RASSF8: variants seen among roughly 807,000 people sequenced by gnomAD.
RASSF8 encodes Ras association domain family member 8.
A neutral mutation model predicts 48.5 loss-of-function variants in RASSF8; 22 were observed. The ratio of observed to expected loss-of-function variants is 0.45; its 90% confidence interval spans 0.32 to 0.65. The LOEUF (loss-of-function observed/expected upper bound fraction) is 0.65, where lower values mean the gene tolerates loss of function less well. Among genes scored for constraint, RASSF8 ranks in the 30% least tolerant of loss-of-function variants. The probability of loss-of-function intolerance (pLI) is 0.03; values close to 1 mark genes in which losing one functional copy is unlikely to be tolerated. For missense variants in RASSF8, 418 were observed against 489.2 expected (o/e 0.85, Z 1.37); for synonymous variants, 127 against 171.5 (o/e 0.74, Z 2.03).
chr12:26,046,261 C>T (rs17460549), intron 2 of RASSF8, among the ~76,000 whole-genome samples: 1,862 of 152,306 alleles, frequency 0.012, 19 homozygotes, highest in Middle Eastern at 0.024. Flanking sequence ...TACTTTCTCT[C>T]CTAAGCCAGA....
chr12:26,051,746 A>G (rs1943495268), intron 2 of RASSF8, among the ~76,000 whole-genome samples: 2 of 152,322 alleles, frequency 1.3e-5, no homozygotes, highest in African/African-American at 2.4e-5. Flanking sequence ...TGAGAAAAAT[A>G]TAATTGTCAA....
chr12:26,054,181 G>A (rs1943552220), intron 2 of RASSF8, among the ~76,000 whole-genome samples: 1 of 152,030 alleles, frequency 6.6e-6, no homozygotes, highest in Admixed American at 6.6e-5. Flanking sequence ...CAAAACAATG[G>A]ACAAACAAAA....
Position 26,072,158 on chromosome 12 carries a change from C to T in RASSF8, c.*3340C>T. 6 of 981,150 alleles carry T rather than the reference C, an allele frequency of 6.1e-6. No individual in the cohort carries two copies. Among genetic ancestry groups the T allele is most frequent in the Non-Finnish European group, 7.3e-6 (6 of 826,038 alleles). The allele number at this position is 981,150 out of a possible 1,614,324, so 60.8% of individuals were successfully genotyped here. On this transcript the variant is annotated 3_prime_UTR_variant, in exon 6 of 6. Transcript: ENST00000689635. The stretch of plus-strand genomic sequence containing the variant: ...AATTTATATAACGATGCTGTGTTCA[C>T]ATCCCTCTCCTACCTAAAGTTGTCT...
chr12:26,007,581 T>C (rs1190793153), intron 2 of RASSF8, among the ~76,000 whole-genome samples: 2 of 151,960 alleles, frequency 1.3e-5, no homozygotes, highest in African/African-American at 4.8e-5. Context: ...TGTAGCTGAG[T>C]TTGTAAAGGT....
downstream of RASSF8, among the ~76,000 whole-genome samples, chr12:26,075,933 T>A (rs1305000862): frequency 6.6e-6 from 1 of 151,996 alleles, no homozygotes. Context: ...TGCTCCTACA[T>A]CACCCCACCA....
intron 2 of RASSF8, among the ~76,000 whole-genome samples, chr12:26,047,688 A>G (rs55965624): frequency 0.098 from 14,844 of 152,226 alleles, 763 homozygotes; most frequent in Middle Eastern, 0.15. Context: ...TTAGCTGGTA[A>G]CTACCGTCTC....
chr12:26,030,357 A>AG (rs1302695587), intron 2 of RASSF8, among the ~76,000 whole-genome samples: 1 of 152,212 alleles, frequency 6.6e-6, no homozygotes, highest in African/African-American at 2.4e-5. Flanking sequence ...GCCCAGGTAG[A>AG]GGGGCTACAA....
At chr12:26,035,750 A>G (rs1453077893) in intron 2 of RASSF8, among the ~76,000 whole-genome samples, 4 of 145,098 alleles carry the variant, frequency 2.8e-5, no homozygotes, top group Non-Finnish European at 6.0e-5. Context: ...CAAGTAGCAT[A>G]TAATACATAT....
chr12:26,049,384 G>A lies in RASSF8; in HGVS notation c.-108-5852G>A, dbSNP rs1591800458. 3.9e-5 allele frequency among the ~76,000 whole-genome samples: 6 copies of A among 152,082 alleles called. No individual in the cohort carries two copies. The South Asian group carries it at 1.2e-3, about 31-fold the overall frequency. On this transcript the variant is annotated intron_variant, in intron 2 of 5. Coordinates refer to ENST00000689635, the MANE Select transcript of RASSF8 (RefSeq NM_001394098.1). Reference sequence around the variant, plus strand: ...ACAGGTAATTTTACATAAAGATTTTGTTTTTCCTTGAATTACAATTACTAC... The same window carrying A: ...ACAGGTAATTTTACATAAAGATTTTATTTTTCCTTGAATTACAATTACTAC...
intron 1 of RASSF8, among the ~76,000 whole-genome samples, chr12:25,991,623 T>C (rs1197475856): frequency 6.6e-6 from 1 of 152,182 alleles, no homozygotes; most frequent in Admixed American, 6.5e-5. Context: ...TTGCGCTGGT[T>C]GTTGGCAGAA....
chr12:26,017,623 C>G (rs1942681750), intron 2 of RASSF8, among the ~76,000 whole-genome samples: 1 of 152,226 alleles, frequency 6.6e-6, no homozygotes, highest in Non-Finnish European at 1.5e-5. Flanking sequence ...ACCAAAAACG[C>G]ACCCAAGGTG....
chr12:25,979,645 A>G (rs1215257701), intron 1 of RASSF8, among the ~76,000 whole-genome samples: 1 of 152,214 alleles, frequency 6.6e-6, no homozygotes, highest in African/African-American at 2.4e-5. Context: ...CTGAGACAGA[A>G]TAATTTGCCC....
intron 2 of RASSF8, among the ~76,000 whole-genome samples, chr12:26,003,397 A>G (rs1942308598): frequency 6.6e-6 from 1 of 152,212 alleles, no homozygotes; most frequent in Non-Finnish European, 1.5e-5. Context: ...TTCATCATGA[A>G]TATTGCAGAC....
chr12:26,046,584 C>G (rs1442079070), intron 2 of RASSF8, among the ~76,000 whole-genome samples: 2 of 152,140 alleles, frequency 1.3e-5, no homozygotes, highest in Non-Finnish European at 2.9e-5. Context: ...GGGCTATAAT[C>G]CCAGCACTTT....
At chr12:26,045,865 A>G (rs1943361668) in intron 2 of RASSF8, among the ~76,000 whole-genome samples, 1 of 152,242 alleles carries the variant, frequency 6.6e-6, no homozygotes, top group Admixed American at 6.5e-5. Flanking sequence ...GATTCATTAT[A>G]CCTGAATGGT....
intron 2 of RASSF8, among the ~76,000 whole-genome samples, chr12:26,039,769 G>C (rs749424640): frequency 6.6e-6 from 1 of 152,186 alleles, no homozygotes; most frequent in Non-Finnish European, 1.5e-5. Flanking sequence ...CCTGGGAGTT[G>C]AGGCGAAAAC....
At chr12:26,022,680 C>G (rs11048381) in intron 2 of RASSF8, among the ~76,000 whole-genome samples, 10,815 of 142,822 alleles carry the variant, frequency 0.076, 760 homozygotes, top group East Asian at 0.28. Context: ...AATTGAAATT[C>G]TAGAGTAAAA....
chr12:26,006,170 C>T (rs1942386161), intron 2 of RASSF8, among the ~76,000 whole-genome samples: 1 of 152,214 alleles, frequency 6.6e-6, no homozygotes, highest in Non-Finnish European at 1.5e-5. Context: ...TGGTCTCTGG[C>T]TTCATCCTTA....
chr12:26,069,388 T>G lies in RASSF8; in HGVS notation c.*570T>G. On this transcript the variant is annotated 3_prime_UTR_variant, in exon 6 of 6. Transcript: ENST00000689635. Reference sequence around the variant, plus strand: ...GCCACTTGCATTTGTTTTGTGAAACTGTCCTAGCCATTGCTTAATTAGGTG... The same window carrying G: ...GCCACTTGCATTTGTTTTGTGAAACGGTCCTAGCCATTGCTTAATTAGGTG... 6 of 985,190 alleles carry G rather than the reference T, an allele frequency of 6.1e-6. No homozygotes were observed. The highest frequency in any genetic ancestry group is 6.0e-6 in the Non-Finnish European group (5 of 829,670). 61.0% of individuals were successfully genotyped at this position (985,190 alleles called of 1,614,324 possible).
Sources: allele counts gnomAD v4.1 joint callset (sites outside exome capture counted in the v4.1 genomes callset), GRCh38; gene constraint gnomAD v4.1.1; transcripts MANE v1.5; gene names NCBI Gene and HGNC (gene_info 2026-07-23, HGNC 2026-07-21).